CIROP: variants seen among roughly 807,000 people sequenced by gnomAD.
The protein encoded by CIROP is leishmanolysin homolog.
the CIROP span, chr14:23,103,188 T>TG: frequency 2.4e-6 from 1 of 423,770 alleles, no homozygotes. Flanking sequence ...TGGCTGTGGG[T>TG]GGGGGTAGCC....
the CIROP span, chr14:23,102,514 C>T: frequency 3.0e-5 from 21 of 698,298 alleles, no homozygotes; most frequent in Middle Eastern, 2.3e-4. Flanking sequence ...GAAGGCAGTA[C>T]GAGGAGAGGA....
chr14:23,102,250 G>A, the CIROP span: 14 of 702,964 alleles, frequency 2.0e-5, no homozygotes, highest in African/African-American at 3.5e-5. Context: ...CTCCCAGTGC[G>A]AGGACAGAAG....
the CIROP span, chr14:23,100,281 G>A: frequency 1.8e-5 from 7 of 385,562 alleles, no homozygotes; most frequent in Non-Finnish European, 2.9e-5. Flanking sequence ...AAGGTGGGGG[G>A]AGGGGACTAA....
At chr14:23,102,116 C>G in the CIROP span, 1 of 703,080 alleles carries the variant, frequency 1.4e-6, no homozygotes, top group South Asian at 1.5e-5. Flanking sequence ...AGCTCCTCTG[C>G]AGCGCTGTGG....
chr14:23,102,565 TA>T, the CIROP span: 3 of 702,330 alleles, frequency 4.3e-6, no homozygotes, highest in Non-Finnish European at 5.2e-6. Context: ...GGAAGGACGT[TA>T]TGAGATAGTG....
At chr14:23,101,699 G>A in the CIROP span, 1 of 703,018 alleles carries the variant, frequency 1.4e-6, no homozygotes, top group South Asian at 1.5e-5. Context: ...ACATGCGGCA[G>A]CCTTCCAGCA....
chr14:23,102,716 A>G, the CIROP span: 2,406 of 703,036 alleles, frequency 3.4e-3, 9 homozygotes, highest in Non-Finnish European at 5.3e-3. Context: ...AATGTGGCCT[A>G]AGGACAAATG....
the CIROP span, chr14:23,101,511 A>G: frequency 7.9e-4 from 500 of 634,360 alleles, 2 homozygotes; most frequent in East Asian, 0.014. Flanking sequence ...AGATCTCCCC[A>G]TGGGGATTAT....
chr14:23,100,201 G>A, the CIROP span: 2 of 237,422 alleles, frequency 8.4e-6, no homozygotes, highest in African/African-American at 2.2e-5. Flanking sequence ...GCCACAGTGA[G>A]CTGAGATCAC....
At chr14:23,101,764 C>T in the CIROP span, 1 of 702,924 alleles carries the variant, frequency 1.4e-6, no homozygotes, top group Admixed American at 2.0e-5. Flanking sequence ...CAGCCCAGCC[C>T]ACTGTGTGGA....
chr14:23,099,502 A>G, the CIROP span: 1 of 413,022 alleles, frequency 2.4e-6, no homozygotes, highest in African/African-American at 2.1e-5. Flanking sequence ...AGGAACATAG[A>G]AGGTAATATT....
At chr14:23,101,593 G>A in the CIROP span, 2 of 700,808 alleles carry the variant, frequency 2.9e-6, no homozygotes, top group Non-Finnish European at 5.2e-6. Flanking sequence ...GTAGAATAGT[G>A]TTTGTTCTGA....
chr14:23,104,363 A>G, the CIROP span: 2,556 of 702,236 alleles, frequency 3.6e-3, 61 homozygotes, highest in East Asian at 0.046. Context: ...AATTACATAC[A>G]TTGTCAACGA....
chr14:23,102,818 C>A, the CIROP span: 1 of 671,506 alleles, frequency 1.5e-6, no homozygotes, highest in South Asian at 1.6e-5. Flanking sequence ...GTTTGAGGCA[C>A]CTTCTATTCC....
the CIROP span, chr14:23,099,165 C>A: frequency 2.4e-6 from 1 of 411,756 alleles, no homozygotes. Flanking sequence ...ATATTGACAA[C>A]CGGGGAAAGA....
chr14:23,103,811 T>G, the CIROP span: 2 of 702,462 alleles, frequency 2.8e-6, no homozygotes, highest in Non-Finnish European at 5.2e-6. Context: ...AAGATGGGTG[T>G]CAGGAATCTG....
the CIROP span, chr14:23,099,804 T>C: frequency 4.8e-6 from 1 of 206,614 alleles, no homozygotes; most frequent in African/African-American, 2.3e-5. Context: ...AGGAAATCAT[T>C]AAGAGGGACT....
At chr14:23,102,328 G>A in the CIROP span, 1 of 702,164 alleles carries the variant, frequency 1.4e-6, no homozygotes, top group Non-Finnish European at 2.6e-6. Context: ...TCACCCCAAG[G>A]TGTTCTCATT....
At chr14:23,099,506 T>C in the CIROP span, 1 of 411,830 alleles carries the variant, frequency 2.4e-6, no homozygotes, top group Non-Finnish European at 4.4e-6. Context: ...ACATAGAAGG[T>C]AATATTTGGC....
Sources: gnomAD v4.1 joint callset for allele counts on GRCh38, gnomAD v4.1.1 for gene constraint, MANE v1.5 for transcripts, NCBI Gene and HGNC (gene_info 2026-07-23, HGNC 2026-07-21) for gene names.